CA10: variants seen among roughly 807,000 people sequenced by gnomAD.
CA10 encodes carbonic anhydrase 10 (inactive).
A neutral mutation model predicts 44.2 loss-of-function variants in CA10; 14 were observed. That is an observed-to-expected ratio of 0.32 (90% CI 0.21 to 0.50). CA10 has a LOEUF of 0.50. CA10 is among the 20% of genes least tolerant of loss of function. CA10 has a pLI of 0.99. For missense variants in CA10, 350 were observed against 409.7 expected (o/e 0.85, Z 1.26); for synonymous variants, 159 against 141.6 (o/e 1.12, Z -0.87).
intron 6 of CA10, among the ~76,000 whole-genome samples, chr17:51,642,444 A>G (rs1381776362): frequency 1.3e-5 from 2 of 152,188 alleles, no homozygotes; most frequent in Non-Finnish European, 2.9e-5. Flanking sequence ...CTACACATGC[A>G]TCTTTTAGCT....
At chr17:51,768,752 G>A (rs1273094438) in intron 3 of CA10, among the ~76,000 whole-genome samples, 1 of 152,194 alleles carries the variant, frequency 6.6e-6, no homozygotes, top group Non-Finnish European at 1.5e-5. Flanking sequence ...ACCCTGTGAG[G>A]CTACACTGCA....
At chr17:51,633,453 ACT>A (rs769625013) in intron 8 of CA10, 21 bp downstream of exon 8, 3 of 1,603,794 alleles carry the variant, frequency 1.9e-6, no homozygotes, top group Non-Finnish European at 2.6e-6. Flanking sequence ...TAGATCCTCC[ACT>A]CTCTGAGCCA....
chr17:51,707,611 T>G (rs1351784693), intron 4 of CA10, among the ~76,000 whole-genome samples: 1 of 151,176 alleles, frequency 6.6e-6, no homozygotes, highest in Admixed American at 6.6e-5. Flanking sequence ...TGTATATGAA[T>G]GAATTAACAC....
chr17:52,131,211 T>A (rs1989231733), intron 1 of CA10, among the ~76,000 whole-genome samples: 1 of 152,176 alleles, frequency 6.6e-6, no homozygotes, highest in Non-Finnish European at 1.5e-5. Flanking sequence ...GAGTGTTCTG[T>A]CTCTACTTTC....
intron 3 of CA10, among the ~76,000 whole-genome samples, chr17:51,890,269 T>A (rs74788159): frequency 6.0e-4 from 92 of 152,306 alleles, no homozygotes; most frequent in African/African-American, 2.1e-3. Context: ...TCTTCTTCCA[T>A]CACAGCATGA....
At chr17:51,863,751 C>G (rs116650314) in intron 3 of CA10, among the ~76,000 whole-genome samples, 165 of 152,232 alleles carry the variant, frequency 1.1e-3, no homozygotes, top group African/African-American at 3.9e-3. Context: ...CAGGGACCAA[C>G]CAAAGTAAGA....
At chr17:52,045,301 C>T (rs1032245122) in intron 2 of CA10, among the ~76,000 whole-genome samples, 285 of 151,468 alleles carry the variant, frequency 1.9e-3, no homozygotes, top group African/African-American at 6.5e-3. Context: ...TGCAATATTT[C>T]AAAGAACTAT....
At chr17:51,862,291 G>A (rs1979345909) in intron 3 of CA10, among the ~76,000 whole-genome samples, 1 of 152,120 alleles carries the variant, frequency 6.6e-6, no homozygotes, top group Admixed American at 6.5e-5. Flanking sequence ...GAATCAGACG[G>A]GAGAGTCCCT....
chr17:52,049,189 C>T (rs913095175), intron 2 of CA10, among the ~76,000 whole-genome samples: 4 of 152,028 alleles, frequency 2.6e-5, no homozygotes, highest in African/African-American at 4.8e-5. Flanking sequence ...CTTATGATTG[C>T]GAGAGTCTCA....
intron 2 of CA10, among the ~76,000 whole-genome samples, chr17:51,980,217 G>A (rs1426667456): frequency 6.6e-6 from 1 of 152,080 alleles, no homozygotes; most frequent in African/African-American, 2.4e-5. Flanking sequence ...TTTAATAAAA[G>A]CCATTCTGAC....
intron 1 of CA10, among the ~76,000 whole-genome samples, chr17:52,134,071 A>T (rs1386582148): frequency 6.6e-6 from 1 of 152,194 alleles, no homozygotes; most frequent in Non-Finnish European, 1.5e-5. Flanking sequence ...AGAATGTTTC[A>T]AAGAGCTGTT....
chr17:52,027,313 T>G (rs1242718875), intron 2 of CA10, among the ~76,000 whole-genome samples: 1 of 152,084 alleles, frequency 6.6e-6, no homozygotes, highest in Non-Finnish European at 1.5e-5. Flanking sequence ...TGCTGCTCAC[T>G]TCCTGCTGTG....
intron 2 of CA10, among the ~76,000 whole-genome samples, chr17:52,023,077 A>G (rs1986192404): frequency 6.6e-6 from 1 of 152,136 alleles, no homozygotes; most frequent in Non-Finnish European, 1.5e-5. Flanking sequence ...CAAACTGCCA[A>G]TGTCTTTTTT....
chr17:51,936,440 A>G (rs1234275672), intron 2 of CA10, among the ~76,000 whole-genome samples: 1 of 147,542 alleles, frequency 6.8e-6, no homozygotes, highest in African/African-American at 2.4e-5. Flanking sequence ...GTCAGCTGGT[A>G]GACTCTGGAA....
chr17:51,683,327 C>A (rs549945651), intron 4 of CA10, among the ~76,000 whole-genome samples: 78 of 152,308 alleles, frequency 5.1e-4, no homozygotes, highest in African/African-American at 1.6e-3. Flanking sequence ...GACTGAGTTA[C>A]AGCTCTGTAA....
chr17:51,856,047 C>T (rs1005165099), intron 3 of CA10, among the ~76,000 whole-genome samples: 6 of 152,122 alleles, frequency 3.9e-5, no homozygotes, highest in African/African-American at 4.8e-5. Context: ...ACCTGTGCCC[C>T]GCGCAAATGT....
chr17:52,102,883 T>C (rs1004377470), intron 1 of CA10, among the ~76,000 whole-genome samples: 1 of 152,206 alleles, frequency 6.6e-6, no homozygotes, highest in African/African-American at 2.4e-5. Flanking sequence ...CCAAAATTCA[T>C]GTCATCCCAC....
intron 6 of CA10, among the ~76,000 whole-genome samples, chr17:51,641,526 A>T (rs1176943994): frequency 6.6e-6 from 1 of 152,232 alleles, no homozygotes; most frequent in Admixed American, 6.5e-5. Flanking sequence ...GACCCCTTGG[A>T]TCTTGAATAA....
intron 3 of CA10, among the ~76,000 whole-genome samples, chr17:51,876,173 T>G (rs1980067872): frequency 7.1e-6 from 1 of 141,534 alleles, no homozygotes; most frequent in Non-Finnish European, 1.5e-5. Flanking sequence ...TTTTTTTTTT[T>G]TTTTTTTTTT....
Sources: allele counts gnomAD v4.1 joint callset (sites outside exome capture counted in the v4.1 genomes callset), GRCh38; gene constraint gnomAD v4.1.1; transcripts MANE v1.5; gene names NCBI Gene and HGNC (gene_info 2026-07-23, HGNC 2026-07-21).